FMNL2: variants seen among roughly 807,000 people sequenced by gnomAD.
FMNL2 encodes formin-like protein 2.
In FMNL2, 51 loss-of-function variants were observed where a neutral mutation model predicts 130.2. The ratio of observed to expected loss-of-function variants is 0.39; its 90% CI spans 0.31 to 0.49. The LOEUF is 0.49. Among genes scored for constraint, FMNL2 ranks in the 20% least tolerant of loss-of-function variants. The pLI is 0.85. For synonymous variants in FMNL2, 465 were observed against 467.1 expected (o/e 1.00, Z 0.06); for missense variants, 977 against 1,316.2 (o/e 0.74, Z 3.99).
chr2:152,572,290 T>A (rs999128507), intron 6 of FMNL2, among the ~76,000 whole-genome samples: 3 of 152,196 alleles, frequency 2.0e-5, no homozygotes, highest in African/African-American at 4.8e-5. Context: ...ATCTCAGTAA[T>A]GTTTAGCATA....
chr2:152,369,039 C>T (rs957491239), intron 1 of FMNL2, among the ~76,000 whole-genome samples: 8 of 152,150 alleles, frequency 5.3e-5, no homozygotes, highest in Non-Finnish European at 1.0e-4. Context: ...GAATGAGATG[C>T]TCCTTAGTTT....
At chr2:152,451,769 T>C (rs966607644) in intron 1 of FMNL2, among the ~76,000 whole-genome samples, 12 of 152,102 alleles carry the variant, frequency 7.9e-5, no homozygotes, top group African/African-American at 2.9e-4. Flanking sequence ...TTCCAGACTT[T>C]TGAGTGGAAG....
chr2:152,624,038 T>TC (rs1681564731), intron 15 of FMNL2, among the ~76,000 whole-genome samples: 1 of 45,858 alleles, frequency 2.2e-5, no homozygotes, highest in African/African-American at 1.0e-4. Context: ...TACAATTCCT[T>TC]CCCTTCCCTC....
At chr2:152,424,873 A>C (rs1467664619) in intron 1 of FMNL2, among the ~76,000 whole-genome samples, 1 of 152,228 alleles carries the variant, frequency 6.6e-6, no homozygotes, top group East Asian at 1.9e-4. Flanking sequence ...AAAAATTGGA[A>C]AAGCCAAAGC....
At chr2:152,459,444 A>G (rs1689123062) in intron 1 of FMNL2, among the ~76,000 whole-genome samples, 1 of 152,252 alleles carries the variant, frequency 6.6e-6, no homozygotes, top group Non-Finnish European at 1.5e-5. Context: ...ATTGATTTAT[A>G]TACAAAATTG....
chr2:152,614,741 TCAAAACAAAA>T (rs70974877), intron 11 of FMNL2, 100 bp from the exon 12 acceptor site: 5 of 1,024,010 alleles, frequency 4.9e-6, no homozygotes, highest in Non-Finnish European at 6.8e-6. Flanking sequence ...AAACTCCATC[TCAAAACAAAA>T]CAAAACAAAA....
chr2:152,458,832 G>C (rs1020008586), intron 1 of FMNL2, among the ~76,000 whole-genome samples: 1 of 152,280 alleles, frequency 6.6e-6, no homozygotes, highest in South Asian at 2.1e-4. Flanking sequence ...GTAGGTGGAG[G>C]TTATTATATT....
chr2:152,369,987 A>G (rs1422575624), intron 1 of FMNL2, among the ~76,000 whole-genome samples: 2 of 152,160 alleles, frequency 1.3e-5, no homozygotes, highest in Admixed American at 1.3e-4. Context: ...TATGAAGCCT[A>G]TAGGGAAGAA....
chr2:152,632,245 G>A (rs527807234), intron 21 of FMNL2, 108 bp downstream of exon 21: 3 of 1,450,558 alleles, frequency 2.1e-6, no homozygotes, highest in South Asian at 2.7e-5. Flanking sequence ...AAAAGCCAAG[G>A]CTAAGAAGTC....
chr2:152,486,152 G>A (rs1690817511), intron 1 of FMNL2, among the ~76,000 whole-genome samples: 2 of 152,170 alleles, frequency 1.3e-5, no homozygotes, highest in Non-Finnish European at 1.5e-5. Context: ...TCTGTGTCAG[G>A]ATATTCTTGT....
intron 1 of FMNL2, among the ~76,000 whole-genome samples, chr2:152,428,527 T>C (rs1687307700): frequency 6.6e-6 from 1 of 152,228 alleles, no homozygotes; most frequent in Non-Finnish European, 1.5e-5. Context: ...GGTTAGCTTA[T>C]TGCATAATTT....
Position 152,521,853 on chromosome 2 carries a change from A to G in FMNL2, c.118-90A>G, listed in dbSNP as rs532477610. ...TGAGAGAAAGTCATGAAAAAACCAT[A>G]GTGGTATTATTTGGTCTGCCTGCAA... On this transcript the variant is annotated intron_variant, in intron 1 of 25. Transcript: ENST00000288670. The G allele has an allele frequency of 1.2e-5, 11 of 932,338 alleles. No homozygotes were observed. The African/African-American group carries it at 1.8e-4, about 15-fold the overall frequency. The allele number at this position is 932,338 out of a possible 1,614,324, so 57.8% of individuals were successfully genotyped here. A position where few individuals can be genotyped will look rare whatever the true frequency, so the allele number is the denominator to read the frequency against.
chr2:152,390,711 C>G lies in FMNL2; in HGVS notation c.117+54991C>G, dbSNP rs1685063160. ...CCTTCTTTCCCACTCTTCTCTGGCC[C>G]TTGTGAGCCTCAGGGCTTGGGGTAG... is the stretch of plus-strand genomic sequence containing the variant. On this transcript the variant is annotated intron_variant, in intron 1 of 25. Transcript: ENST00000288670. 2.5e-5 allele frequency: 18 copies of G among 722,758 alleles called. 1 individual carries two copies. In the South Asian group the frequency reaches 2.6e-4, roughly 10 times the overall value. The allele number at this position is 722,758 out of a possible 1,614,324, so 44.8% of individuals were successfully genotyped here.
Position 152,335,565 on chromosome 2 carries a change from G to C in FMNL2, c.-39G>C. On this transcript the variant is annotated 5_prime_UTR_variant, in exon 1 of 26. Coordinates refer to ENST00000288670, the MANE Select transcript of FMNL2 (RefSeq NM_052905.4). ...GTTCTGATTTCCGACGCGCACGCTA[G>C]GGGCCCGGAGCAGCCCCCGGCCCCG... The C allele has an allele frequency of 1.3e-6, 2 of 1,534,532 alleles. No homozygotes were observed. Among genetic ancestry groups the C allele is most frequent in the Non-Finnish European group, 1.8e-6 (2 of 1,131,720 alleles).
intron 2 of FMNL2, among the ~76,000 whole-genome samples, chr2:152,532,428 C>G (rs1281843707): frequency 6.6e-6 from 1 of 152,064 alleles, no homozygotes; most frequent in East Asian, 1.9e-4. Flanking sequence ...TTGGTATTGT[C>G]AGTCCGTTAA....
At chr2:152,555,173 C>G (rs1024355825) in intron 4 of FMNL2, among the ~76,000 whole-genome samples, 1 of 152,124 alleles carries the variant, frequency 6.6e-6, no homozygotes, top group African/African-American at 2.4e-5. Context: ...CAACTAATGT[C>G]CTAATATTTT....
At chr2:152,547,245 T>G (rs562961693) in intron 3 of FMNL2, among the ~76,000 whole-genome samples, 1 of 152,194 alleles carries the variant, frequency 6.6e-6, no homozygotes, top group Non-Finnish European at 1.5e-5. Context: ...GCTTGGCCAT[T>G]ACTCCCTTTT....
intron 1 of FMNL2, among the ~76,000 whole-genome samples, chr2:152,493,077 G>A (rs78566139): frequency 0.016 from 2,408 of 152,160 alleles, 72 homozygotes; most frequent in African/African-American, 0.055. Context: ...ATCCCAAGGG[G>A]TACATCATAA....
chr2:152,633,357 A>C (rs1246754378), intron 21 of FMNL2, among the ~76,000 whole-genome samples: 1 of 152,072 alleles, frequency 6.6e-6, no homozygotes, highest in Admixed American at 6.5e-5. Context: ...CAGCCTCCTA[A>C]AGTGCTGGGA....
Sources: allele counts gnomAD v4.1 joint callset (sites outside exome capture counted in the v4.1 genomes callset), GRCh38; gene constraint gnomAD v4.1.1; transcripts MANE v1.5; gene names NCBI Gene and HGNC (gene_info 2026-07-23, HGNC 2026-07-21).